Variants in FAM53B observed in about 807,000 individuals in gnomAD.
FAM53B encodes the protein family with sequence similarity 53 member B, also known as protein FAM53B.
A neutral mutation model predicts 32.7 loss-of-function variants in FAM53B; 12 were observed. That is an observed-to-expected ratio of 0.37 (90% CI 0.24 to 0.59). The LOEUF is 0.59. Among genes scored for constraint, FAM53B ranks in the 20% least tolerant of loss-of-function variants. The probability of loss-of-function intolerance (pLI) is 0.72; values close to 1 mark genes in which losing one functional copy is unlikely to be tolerated. For synonymous variants in FAM53B, 234 were observed against 228.7 expected, an observed-to-expected ratio of 1.02 and a Z score of -0.21; for missense variants, 477 against 577.7, an observed-to-expected ratio of 0.83 and a Z score of 1.79.
chr10:124,635,085 AT>A (rs1275895205), intron 4 of FAM53B, among the ~76,000 whole-genome samples: 3 of 123,186 alleles, frequency 2.4e-5, no homozygotes, highest in African/African-American at 7.7e-5. Flanking sequence ...CAATTATTTT[AT>A]TTTTTATTTT....
chr10:124,673,863 T>C (rs1011542074), intron 4 of FAM53B, among the ~76,000 whole-genome samples: 6 of 152,228 alleles, frequency 3.9e-5, no homozygotes, highest in Admixed American at 3.9e-4. Flanking sequence ...TGCAGTGTGT[T>C]GGCTTCCCAG....
chr10:124,648,407 G>C (rs1394214826), intron 4 of FAM53B, among the ~76,000 whole-genome samples: 1 of 152,250 alleles, frequency 6.6e-6, no homozygotes, highest in Non-Finnish European at 1.5e-5. Flanking sequence ...AGGATGGGCT[G>C]CGGCCTGCTG....
intron 4 of FAM53B, among the ~76,000 whole-genome samples, chr10:124,659,862 C>A (rs1406447126): frequency 6.6e-6 from 1 of 152,224 alleles, no homozygotes; most frequent in East Asian, 1.9e-4. Flanking sequence ...GCTGGAGTGC[C>A]ATGGCACAAT....
intron 4 of FAM53B, among the ~76,000 whole-genome samples, chr10:124,672,783 G>A (rs559736339): frequency 1.3e-5 from 2 of 152,208 alleles, no homozygotes; most frequent in Non-Finnish European, 2.9e-5. Context: ...CTCCCCAGTG[G>A]CAAGGAGCAG....
intron 4 of FAM53B, among the ~76,000 whole-genome samples, chr10:124,630,507 T>A (rs557194020): frequency 1.1e-4 from 16 of 152,262 alleles, no homozygotes; most frequent in Admixed American, 8.5e-4. Flanking sequence ...CCCTTCTGAG[T>A]CTGGACTGCC....
intron 3 of FAM53B, among the ~76,000 whole-genome samples, chr10:124,688,153 T>C (rs1324597837): frequency 2.6e-5 from 4 of 152,142 alleles, no homozygotes; most frequent in Non-Finnish European, 5.9e-5. Context: ...ATGAACAAGA[T>C]GAGTGTGAAG....
At position 124,682,131 on chromosome 10, in the gene FAM53B, T is replaced by G; in HGVS notation, c.382A>C (p.Thr128Pro). The change falls in exon 4 of 5, where the codon ACA becomes CCA. Residue 128 changes from threonine (T) to proline (P), a missense_variant. Physicochemically the swap from Thr to Pro is conservative, Grantham distance 38. Coordinates refer to ENST00000337318, the MANE Select transcript of FAM53B (RefSeq NM_014661.4). This position sits in a 1 kb window ranked among gnomAD's most constrained non-coding sequence, Gnocchi z 5.2. The stretch of plus-strand genomic sequence containing the variant: ...TTGGAGCCCAAGGGCCTCCATGATG[T>G]CCGGCAACTGGACATCTCATCGGAG... ...SFSDEMSSCR[T>P]SWRPLGSKVW... 1 of 1,613,704 alleles carries G rather than the reference T, an allele frequency of 6.2e-7. No homozygotes were observed. Among genetic ancestry groups the G allele is most frequent in the Non-Finnish European group, 8.5e-7 (1 of 1,179,858 alleles).
In FAM53B at chr10:124,650,292, C is replaced by T. The variant is rs187300445; in HGVS notation, c.907-26688G>A. 2.8e-4 allele frequency among the ~76,000 whole-genome samples: 42 copies of T among 152,316 alleles called. No homozygotes were observed. In the East Asian group the frequency reaches 6.9e-3, roughly 25 times the overall value. ...AAGGTAAAAGAGGCCCAGGTCATCG[C>T]GGGACAGGTGTCGTCTACCCTGAAT... On this transcript the variant is annotated intron_variant, in intron 4 of 4. Coordinates refer to ENST00000337318, the MANE Select transcript of FAM53B (RefSeq NM_014661.4).
rs548389645 is a variant in FAM53B, at chr10:124,719,124, G to C, written c.-174-12237C>G. Among the ~76,000 whole-genome samples the C allele has an allele frequency of 3.3e-5, 5 of 152,276 alleles. No homozygotes were observed. In the East Asian group the frequency reaches 7.7e-4, roughly 23 times the overall value. On this transcript the variant is annotated intron_variant, in intron 1 of 4. Transcript: ENST00000337318. ...AAGTCCTAATTCAAAGCTAAGTCCA[G>C]GCATTTGGCTTTAAATTACTTAGAA...
At chr10:124,699,669 C>G (rs116086191) in intron 2 of FAM53B, among the ~76,000 whole-genome samples, 3 of 152,240 alleles carry the variant, frequency 2.0e-5, no homozygotes, top group Non-Finnish European at 2.9e-5. Flanking sequence ...GGGATACCTT[C>G]ATCGTCACTG....
intron 4 of FAM53B, chr10:124,623,822 C>T: frequency 1.9e-6 from 1 of 531,602 alleles, no homozygotes; most frequent in Non-Finnish European, 3.3e-6. Context: ...ACGCGCAATT[C>T]CACTATTCAC....
chr10:124,716,366 A>G (rs557338718), intron 1 of FAM53B, among the ~76,000 whole-genome samples: 3 of 152,310 alleles, frequency 2.0e-5, no homozygotes, highest in African/African-American at 7.2e-5. Flanking sequence ...GGAAAAACAA[A>G]ACAAGACAAA....
At chr10:124,638,900 G>A (rs1206496839) in intron 4 of FAM53B, among the ~76,000 whole-genome samples, 2 of 152,162 alleles carry the variant, frequency 1.3e-5, no homozygotes, top group African/African-American at 2.4e-5. Flanking sequence ...CACCTGCAGC[G>A]CCAGAAGTGA....
chr10:124,654,401 GT>G (rs1949573821), intron 4 of FAM53B, among the ~76,000 whole-genome samples: 1 of 152,246 alleles, frequency 6.6e-6, no homozygotes, highest in Non-Finnish European at 1.5e-5. Flanking sequence ...GCCACTTCCG[GT>G]CTGTGGCCAT....
intron 4 of FAM53B, chr10:124,623,946 G>A: frequency 3.7e-6 from 1 of 268,070 alleles, no homozygotes; most frequent in East Asian, 7.1e-5. Context: ...GCAACCTGGG[G>A]AAAATATATC....
intron 1 of FAM53B, among the ~76,000 whole-genome samples, chr10:124,732,179 A>G (rs867209900): frequency 6.6e-6 from 1 of 152,228 alleles, no homozygotes; most frequent in Non-Finnish European, 1.5e-5. Context: ...CACACAGGGA[A>G]CAAGTGCCTG....
intron 4 of FAM53B, among the ~76,000 whole-genome samples, chr10:124,652,443 GAGA>G (rs1352138958): frequency 1.3e-5 from 2 of 152,144 alleles, no homozygotes; most frequent in African/African-American, 2.4e-5. Flanking sequence ...CAGCCTTAGA[GAGA>G]AGAAGGGGCC....
In FAM53B at chr10:124,651,980, A is replaced by G. The variant is rs1040562160; in HGVS notation, c.907-28376T>C. On this transcript the variant is annotated intron_variant, in intron 4 of 4. Coordinates refer to ENST00000337318, the MANE Select transcript of FAM53B (RefSeq NM_014661.4). This position sits in a 1 kb window ranked among gnomAD's most constrained non-coding sequence, Gnocchi z 5.2. The stretch of plus-strand genomic sequence containing the variant: ...CCTGAGCAATGTGAACTCAGGGGCC[A>G]GGAAGCGAGGCCCCTGCCCTCCAGG... Among the ~76,000 whole-genome samples, 1 of 152,208 alleles carries G rather than the reference A, an allele frequency of 6.6e-6. No homozygotes were observed. The highest frequency in any genetic ancestry group is 1.5e-5 in the Non-Finnish European group (1 of 68,024).
chr10:124,697,361 G>C (rs1020524502), intron 2 of FAM53B, among the ~76,000 whole-genome samples: 5 of 152,164 alleles, frequency 3.3e-5, no homozygotes, highest in African/African-American at 1.2e-4. Flanking sequence ...AGGCTGGTAA[G>C]TGGACAAGGG....
Sources: gnomAD v4.1 joint callset for allele counts (sites outside exome capture counted in the v4.1 genomes callset) on GRCh38, gnomAD v4.1.1 for gene constraint, Gnocchi (gnomAD v3.1) non-coding constraint, MANE v1.5 for transcripts, NCBI Gene and HGNC (gene_info 2026-07-23, HGNC 2026-07-21) for gene names.